The following ATP9B variants were observed in gnomAD, a reference collection of about 807,000 sequenced individuals.
ATP9B encodes the protein probable phospholipid-transporting ATPase IIB.
ATP9B carries 110 observed loss-of-function variants against 146.1 expected under a neutral mutation model. The ratio of observed to expected loss-of-function variants is 0.75; its 90% CI spans 0.65 to 0.88. The LOEUF is 0.88. Ranked by LOEUF, ATP9B falls within the 40% of genes least tolerant of loss-of-function variation. ATP9B has a pLI of 0.00. For missense variants in ATP9B, 1,499 were observed against 1,496.4 expected (o/e 1.00, Z -0.03); for synonymous variants, 604 against 569.7 (o/e 1.06, Z -0.86).
intron 7 of ATP9B, among the ~76,000 whole-genome samples, chr18:79,159,589 AC>A (rs1229443944): frequency 1.3e-5 from 2 of 150,064 alleles, no homozygotes; most frequent in African/African-American, 4.9e-5. Flanking sequence ...TTAGCCATCA[AC>A]CCTCCCCTCA....
At chr18:79,376,603 T>C (rs1341720785) in intron 29 of ATP9B, among the ~76,000 whole-genome samples, 1 of 152,088 alleles carries the variant, frequency 6.6e-6, no homozygotes, top group Non-Finnish European at 1.5e-5. Context: ...TTGGCCAGGC[T>C]GGTCTCAAAC....
At position 79,375,279 on chromosome 18, in the gene ATP9B, G is replaced by T. The variant is rs553606657; in HGVS notation, c.3275-115G>T. 12 of 900,642 alleles carry T rather than the reference G, an allele frequency of 1.3e-5. No individual in the cohort carries two copies. In the African/African-American group the frequency reaches 1.8e-4, roughly 14 times the overall value. The allele number at this position is 900,642 out of a possible 1,614,324, so 55.8% of individuals were successfully genotyped here. A position where few individuals can be genotyped will look rare whatever the true frequency, so the allele number is the denominator to read the frequency against. ...TAAAACCACATTGAAAACGCAGCTT[G>T]CACTGCCATTTTATTGCTTTTTAAT... On this transcript the variant is annotated intron_variant, in intron 28 of 29. Coordinates refer to ENST00000426216, the MANE Select transcript of ATP9B (RefSeq NM_198531.5).
intron 12 of ATP9B, among the ~76,000 whole-genome samples, chr18:79,274,352 A>G (rs942359815): frequency 9.8e-5 from 15 of 152,296 alleles, no homozygotes; most frequent in African/African-American, 3.6e-4. Context: ...TAAAGAGGAA[A>G]TTGCTGTATT....
At chr18:79,333,841 T>G (rs918448779) in intron 17 of ATP9B, among the ~76,000 whole-genome samples, 2 of 152,242 alleles carry the variant, frequency 1.3e-5, no homozygotes, top group African/African-American at 4.8e-5. Flanking sequence ...TGATTACCAC[T>G]GATTTCTCTG....
chr18:79,153,961 T>C (rs1210408808), intron 6 of ATP9B, among the ~76,000 whole-genome samples: 1 of 147,652 alleles, frequency 6.8e-6, no homozygotes, highest in Non-Finnish European at 1.5e-5. Flanking sequence ...ATGCAGCTTT[T>C]TTTTTTTTTT....
At chr18:79,231,536 G>A (rs2148578661) in intron 11 of ATP9B, among the ~76,000 whole-genome samples, 1 of 152,180 alleles carries the variant, frequency 6.6e-6, no homozygotes, top group East Asian at 1.9e-4. Context: ...TACACTGCTG[G>A]TGGGAATGTA....
chr18:79,244,136 C>A (rs528197863), intron 11 of ATP9B, among the ~76,000 whole-genome samples: 5 of 151,966 alleles, frequency 3.3e-5, no homozygotes, highest in African/African-American at 9.7e-5. Context: ...CACTACCCCC[C>A]CTCCGCCCCC....
At chr18:79,126,443 CAA>C (rs2147192241) in intron 5 of ATP9B, 68 bp downstream of exon 5, 1 of 1,050,186 alleles carries the variant, frequency 9.5e-7, no homozygotes, top group Non-Finnish European at 1.4e-6. Flanking sequence ...GTTAACATAA[CAA>C]ATGTATGAAA....
intron 5 of ATP9B, among the ~76,000 whole-genome samples, chr18:79,130,595 T>A (rs913811949): frequency 2.0e-5 from 3 of 151,922 alleles, no homozygotes; most frequent in Non-Finnish European, 4.4e-5. Context: ...ATCTGTACAT[T>A]CAGGAAGTAC....
chr18:79,175,137 G>T (rs867050500), intron 7 of ATP9B, among the ~76,000 whole-genome samples: 1 of 149,868 alleles, frequency 6.7e-6, no homozygotes, highest in Non-Finnish European at 1.5e-5. Context: ...GGAGGTGGAG[G>T]TTGCAGTGAG....
chr18:79,281,177 C>G (rs1477153992), intron 13 of ATP9B, among the ~76,000 whole-genome samples: 1 of 152,154 alleles, frequency 6.6e-6, no homozygotes, highest in African/African-American at 2.4e-5. Flanking sequence ...AATAAACACA[C>G]TTTCAGAATT....
chr18:79,280,888 A>G (rs115856222), intron 13 of ATP9B, among the ~76,000 whole-genome samples: 2,331 of 152,334 alleles, frequency 0.015, 65 homozygotes, highest in African/African-American at 0.054. Flanking sequence ...GCATACATCC[A>G]AAAATAATAC....
At position 79,179,218 on chromosome 18, in the gene ATP9B, G is replaced by A. The variant is rs1161603910; in HGVS notation, c.873+2311G>A. 4.0e-5 allele frequency among the ~76,000 whole-genome samples: 6 copies of A among 151,832 alleles called. No homozygotes were observed. The South Asian group carries it at 8.3e-4, about 21-fold the overall frequency. ...TAGTTTATATCCTGTCTCTTTTATC[G>A]ATCATTTCAAAGAACTTGTTTTTGG... On this transcript the variant is annotated intron_variant, in intron 8 of 29. Coordinates refer to ENST00000426216, the MANE Select transcript of ATP9B (RefSeq NM_198531.5).
At chr18:79,148,387 G>A (rs545891075) in intron 6 of ATP9B, among the ~76,000 whole-genome samples, 1 of 152,300 alleles carries the variant, frequency 6.6e-6, no homozygotes, top group South Asian at 2.1e-4. Flanking sequence ...AGTATATAAA[G>A]AAGAGTAATA....
chr18:79,197,989 C>CA (rs1266975566), intron 9 of ATP9B, among the ~76,000 whole-genome samples: 1 of 152,108 alleles, frequency 6.6e-6, no homozygotes, highest in Non-Finnish European at 1.5e-5. Context: ...AGCATATTGA[C>CA]AGATATTATT....
intron 11 of ATP9B, among the ~76,000 whole-genome samples, chr18:79,236,639 CT>C (rs2095843768): frequency 6.6e-6 from 1 of 152,196 alleles, no homozygotes; most frequent in African/African-American, 2.4e-5. Context: ...TGTTTTTCCC[CT>C]ATGTGGATTT....
chr18:79,137,990 C>A (rs1599827599), intron 5 of ATP9B, among the ~76,000 whole-genome samples: 1 of 152,164 alleles, frequency 6.6e-6, no homozygotes, highest in African/African-American at 2.4e-5. Context: ...TAAGTACTGT[C>A]TTCAGATTTT....
intron 17 of ATP9B, among the ~76,000 whole-genome samples, chr18:79,330,396 C>A (rs2096783763): frequency 6.6e-6 from 1 of 151,528 alleles, no homozygotes; most frequent in Admixed American, 6.6e-5. Context: ...GGTAGGAGTC[C>A]TATCTATTTA....
chr18:79,349,902 C>G (rs1331838633), intron 25 of ATP9B, among the ~76,000 whole-genome samples: 1 of 151,370 alleles, frequency 6.6e-6, no homozygotes, highest in African/African-American at 2.4e-5. Context: ...GCACCCCCCC[C>G]CCCACCATGC....
Sources: allele counts gnomAD v4.1 joint callset (sites outside exome capture counted in the v4.1 genomes callset), GRCh38; gene constraint gnomAD v4.1.1; transcripts MANE v1.5; gene names NCBI Gene and HGNC (gene_info 2026-07-23, HGNC 2026-07-21).